The following PIWIL3 variants were observed in gnomAD, a reference collection of about 807,000 sequenced individuals.
The protein encoded by PIWIL3 is piwi-like protein 3.
PIWIL3 carries 101 observed loss-of-function variants against 109.7 expected under a neutral mutation model. The ratio of observed to expected loss-of-function variants is 0.92; its 90% confidence interval spans 0.78 to 1.09. PIWIL3 has a LOEUF of 1.09. Among genes scored for constraint, PIWIL3 ranks in the 50% least tolerant of loss-of-function variants. PIWIL3 has a pLI of 0.00. For synonymous variants in PIWIL3, 373 were observed against 376.4 expected (o/e 0.99, Z 0.10); for missense variants, 1,031 against 1,072.6 (o/e 0.96, Z 0.54).
Position 24,774,593 on chromosome 22 carries a change from G to C in PIWIL3, c.-294C>G, listed in dbSNP as rs1926317396. 6.6e-6 allele frequency: 1 copy of C among 152,244 alleles called. No homozygotes were observed. Among genetic ancestry groups the C allele is most frequent in the Non-Finnish European group, 1.5e-5 (1 of 68,206 alleles). The allele number at this position is 152,244 out of a possible 1,614,324, so 9.4% of individuals were successfully genotyped here. ...CAGGCTGAGGCGGGTAGATCATGAG[G>C]TCAGGAGATGGAGACCATCCTGGCT... On this transcript the variant is annotated 5_prime_UTR_variant, in exon 1 of 21. Coordinates refer to ENST00000616349, the MANE Select transcript of PIWIL3 (RefSeq NM_001255975.1).
chr22:24,755,280 G>T (rs564980617), intron 6 of PIWIL3, among the ~76,000 whole-genome samples: 1 of 152,200 alleles, frequency 6.6e-6, no homozygotes, highest in African/African-American at 2.4e-5. Context: ...CTGCCACCAT[G>T]CCTGGCTAAT....
At chr22:24,762,219 A>C (rs1280730559) in intron 2 of PIWIL3, 179 bp downstream of exon 2, 1 of 1,155,662 alleles carries the variant, frequency 8.7e-7, no homozygotes, top group East Asian at 3.1e-5. Flanking sequence ...TGGAGAGTAC[A>C]TCTGAGTAGA....
chr22:24,757,079 C>CAAAAAAAAAAAAAAAAAAAAAAAAAAAAA (rs71189275), intron 4 of PIWIL3, among the ~76,000 whole-genome samples: 14 of 91,728 alleles, frequency 1.5e-4, no homozygotes, highest in African/African-American at 4.5e-4. Flanking sequence ...AACTCCGTCT[C>CAAAAAAAAAAAAAAAAAAAAAAAAAAAAA]AAAAAAAAAA....
chr22:24,735,581 A>C, intron 13 of PIWIL3, 127 bp downstream of exon 13: 3 of 850,804 alleles, frequency 3.5e-6, no homozygotes, highest in Non-Finnish European at 5.1e-6. Flanking sequence ...TTTTTTGACT[A>C]GAGATTAGAC....
intron 2 of PIWIL3, among the ~76,000 whole-genome samples, chr22:24,760,596 T>C (rs1179568431): frequency 6.6e-6 from 1 of 151,440 alleles, no homozygotes; most frequent in East Asian, 2.0e-4. Flanking sequence ...AAGACCAACA[T>C]GGAGAAACCC....
At chr22:24,737,909 C>T (rs1490784450) in intron 12 of PIWIL3, among the ~76,000 whole-genome samples, 1 of 152,236 alleles carries the variant, frequency 6.6e-6, no homozygotes, top group East Asian at 1.9e-4. Context: ...GCCTGGAATC[C>T]CAGGACTTTG....
chr22:24,731,279 A>G (rs1923331175), intron 14 of PIWIL3, among the ~76,000 whole-genome samples: 2 of 152,226 alleles, frequency 1.3e-5, no homozygotes, highest in African/African-American at 4.8e-5. Context: ...CGTAGCACCT[A>G]GACCCATTTA....
At chr22:24,725,565 A>C in intron 16 of PIWIL3, 50 bp from the exon 17 acceptor site, 135 of 1,590,168 alleles carry the variant, frequency 8.5e-5, no homozygotes, top group Non-Finnish European at 1.1e-4. Context: ...TTAAAATCTC[A>C]TTTGAGTCTG....
chr22:24,754,179 A>C lies in PIWIL3; in HGVS notation c.812T>G (p.Val271Gly), dbSNP rs756423889. The C allele has an allele frequency of 1.1e-5, 17 of 1,614,114 alleles. No homozygotes were observed. The highest frequency in any genetic ancestry group is 1.4e-5 in the Non-Finnish European group (17 of 1,179,948). ...GGTAATGCTGTTTTCGTATTGAAGA[A>C]CAGAAGTAACATAACCAAGCCAGAT... ...LEIWLGYVTS[V>G]LQYENSITLC... Residue 271 changes from valine (V) to glycine (G), a missense_variant, in exon 8 of 21, where the codon GTT (valine) becomes GGT (glycine). Transcript: ENST00000616349.
intron 19 of PIWIL3, among the ~76,000 whole-genome samples, chr22:24,721,739 C>A (rs150293745): frequency 6.6e-6 from 1 of 152,136 alleles, no homozygotes; most frequent in Non-Finnish European, 1.5e-5. Context: ...GATATTCTTA[C>A]GGCCTTTATT....
Position 24,725,018 on chromosome 22 carries a change from A to G in PIWIL3, c.2100T>C (p.Cys700=), listed in dbSNP as rs2147648580. The part of the protein sequence containing the change: ...ICLKAALDVW[C]KNESSMPHSV... Reference sequence around the variant, plus strand: ...AATGTGGCATCGATGATTCGTTTTTACACCAGACATCCAGGGCAGCTAAGA... The same window carrying G: ...AATGTGGCATCGATGATTCGTTTTTGCACCAGACATCCAGGGCAGCTAAGA... Residue 700 remains cysteine (C), a synonymous_variant, in exon 18 of 21, where the codon TGT becomes TGC. Coordinates refer to ENST00000616349, the MANE Select transcript of PIWIL3 (RefSeq NM_001255975.1). The G allele has an allele frequency of 6.2e-7, 1 of 1,614,142 alleles. No homozygotes were observed. Among genetic ancestry groups the G allele is most frequent in the Middle Eastern group, 1.6e-4 (1 of 6,062 alleles).
intron 14 of PIWIL3, among the ~76,000 whole-genome samples, chr22:24,729,927 CTTTTTCT>C (rs1454664356): frequency 7.0e-6 from 1 of 143,270 alleles, no homozygotes. Flanking sequence ...ATGGATTCTA[CTTTTTCT>C]TTTTTTTTTT....
At position 24,754,873 on chromosome 22, in the gene PIWIL3, G is replaced by A. The variant is rs1569108039; in HGVS notation, c.693-9C>T. The A allele has an allele frequency of 6.2e-7, 1 of 1,606,850 alleles. No homozygotes were observed. The highest frequency in any genetic ancestry group is 1.1e-5 in the South Asian group (1 of 90,958). On this transcript the variant is annotated splice_polypyrimidine_tract_variant and intron_variant, in intron 6 of 20. Coordinates refer to ENST00000616349, the MANE Select transcript of PIWIL3 (RefSeq NM_001255975.1). Reference sequence around the variant, plus strand: ...CCAGCAGCTTGAAAGTTCTGGAAATGGAAAGAATAGATTTTGTTGAAAGTA... The same window carrying A: ...CCAGCAGCTTGAAAGTTCTGGAAATAGAAAGAATAGATTTTGTTGAAAGTA...
At chr22:24,738,534 A>G (rs1362817229) in intron 12 of PIWIL3, among the ~76,000 whole-genome samples, 14 of 152,246 alleles carry the variant, frequency 9.2e-5, no homozygotes, top group Admixed American at 9.2e-4. Flanking sequence ...ACCCAGCTCC[A>G]GGCGGTTCAG....
intron 14 of PIWIL3, among the ~76,000 whole-genome samples, chr22:24,730,363 C>CAAAAAAAAAAAAA (rs59306341): frequency 1.1e-5 from 1 of 93,516 alleles, no homozygotes; most frequent in African/African-American, 4.7e-5. Flanking sequence ...GACTCAGTCT[C>CAAAAAAAAAAAAA]AAAAAAAAAA....
At chr22:24,770,471 T>C (rs1601857755) in intron 1 of PIWIL3, among the ~76,000 whole-genome samples, 1 of 152,054 alleles carries the variant, frequency 6.6e-6, no homozygotes. Context: ...CCTTGTACCA[T>C]GGTAGCTTAT....
chr22:24,724,763 G>C, intron 18 of PIWIL3, 124 bp downstream of exon 18: 1 of 1,082,374 alleles, frequency 9.2e-7, no homozygotes. Context: ...GTAGAGATTG[G>C]ATCTCACTAT....
At chr22:24,745,382 A>C (rs1924291943) in intron 12 of PIWIL3, among the ~76,000 whole-genome samples, 1 of 152,128 alleles carries the variant, frequency 6.6e-6, no homozygotes, top group Non-Finnish European at 1.5e-5. Context: ...AGATCACTTG[A>C]GGTCAGGAGT....
intron 16 of PIWIL3, among the ~76,000 whole-genome samples, chr22:24,727,498 AAAC>A (rs925773633): frequency 1.1e-4 from 16 of 152,292 alleles, no homozygotes; most frequent in South Asian, 6.2e-4. Flanking sequence ...CAACAACAAC[AAAC>A]AACAACAACA....
Sources: gnomAD v4.1 joint callset for allele counts (sites outside exome capture counted in the v4.1 genomes callset) on GRCh38, gnomAD v4.1.1 for gene constraint, MANE v1.5 for transcripts, NCBI Gene and HGNC (gene_info 2026-07-23, HGNC 2026-07-21) for gene names.